The following DYNC2H1 variants were observed in gnomAD, a reference collection of about 807,000 sequenced individuals.
The protein encoded by DYNC2H1 is cytoplasmic dynein 2 heavy chain 1.
A neutral mutation model predicts 570.0 loss-of-function variants in DYNC2H1; 410 were observed. The ratio of observed to expected loss-of-function variants is 0.72; its 90% CI spans 0.66 to 0.78. The LOEUF is 0.78. Among genes scored for constraint, DYNC2H1 ranks in the 30% least tolerant of loss-of-function variants. The probability of loss-of-function intolerance (pLI) is 0.00; values close to 1 mark genes in which losing one functional copy is unlikely to be tolerated. For missense variants in DYNC2H1, 4,865 were observed against 5,046.4 expected (o/e 0.96, Z 1.09); for synonymous variants, 1,688 against 1,677.6 (o/e 1.01, Z -0.15).
intron 45 of DYNC2H1, among the ~76,000 whole-genome samples, chr11:103,190,858 T>C (rs1380570665): frequency 6.6e-6 from 1 of 151,756 alleles, no homozygotes; most frequent in Admixed American, 6.6e-5. Flanking sequence ...CATTAAAAAA[T>C]GGGTCTTACC....
chr11:103,187,661 T>C (rs1469815302), intron 43 of DYNC2H1, 75 bp downstream of exon 43: 5 of 1,528,144 alleles, frequency 3.3e-6, no homozygotes, highest in Non-Finnish European at 4.4e-6. Flanking sequence ...TAGAAAATAT[T>C]CATTCTTCAT....
intron 73 of DYNC2H1, among the ~76,000 whole-genome samples, chr11:103,285,555 T>C (rs1434346837): frequency 6.6e-6 from 1 of 151,542 alleles, no homozygotes; most frequent in Admixed American, 6.6e-5. Flanking sequence ...CCCGAGTAGC[T>C]GTGATCACAG....
chr11:103,366,171 T>C (rs1460937025), intron 83 of DYNC2H1, among the ~76,000 whole-genome samples: 2 of 152,212 alleles, frequency 1.3e-5, no homozygotes, highest in Non-Finnish European at 2.9e-5. Flanking sequence ...ATTTCCTTAA[T>C]GTCTTGTTGG....
chr11:103,390,700 C>CA (rs1221036890), intron 83 of DYNC2H1, among the ~76,000 whole-genome samples: 1 of 152,178 alleles, frequency 6.6e-6, no homozygotes, highest in African/African-American at 2.4e-5. Flanking sequence ...CCGGTGGTGA[C>CA]AAAATCTCTC....
rs35814518 is a variant in DYNC2H1, at chr11:103,252,100, ATTT to A, written c.10043-1172_10043-1170del. ...CCATCATGCCCAGCTAATTAAAAACATTTTTTTTTTTTTTTGCAAAGACGAGGT... is the reference window on the plus strand; with the variant it reads ...CCATCATGCCCAGCTAATTAAAAACATTTTTTTTTTTTGCAAAGACGAGGT... On this transcript the variant is annotated intron_variant, in intron 65 of 88. Coordinates refer to ENST00000375735, the MANE Select transcript of DYNC2H1 (RefSeq NM_001377.3). The surrounding 1 kb of genome is among the most constrained non-coding windows in gnomAD (Gnocchi z 4.6). Among the ~76,000 whole-genome samples the A allele has an allele frequency of 1.4e-4, 20 of 142,460 alleles. No individual in the cohort carries two copies. Among genetic ancestry groups the A allele is most frequent in the African/African-American group, 3.6e-4 (14 of 38,938 alleles). The allele number at this position is 142,460 out of a possible 152,430, so 93.5% of individuals were successfully genotyped here.
At chr11:103,169,728 A>G (rs1455273201) in intron 32 of DYNC2H1, among the ~76,000 whole-genome samples, 2 of 152,126 alleles carry the variant, frequency 1.3e-5, no homozygotes, top group Non-Finnish European at 2.9e-5. Flanking sequence ...AATAGTTCTG[A>G]TTTGTGGATA....
Position 103,217,848 on chromosome 11 carries a change from A to T in DYNC2H1, c.8832+1990A>T, listed in dbSNP as rs571015323. On this transcript the variant is annotated intron_variant, in intron 55 of 88. Transcript: ENST00000375735. ...ATAAAGAACTTCTATTCAGAATTTT[A>T]AAAATACTGCAACTCAATAATAGCA... Among the ~76,000 whole-genome samples the T allele has an allele frequency of 4.6e-5, 7 of 152,334 alleles. No homozygotes were observed. In the East Asian group the frequency reaches 1.3e-3, roughly 29 times the overall value.
chr11:103,420,871 A>G (rs1943462740), intron 84 of DYNC2H1, among the ~76,000 whole-genome samples: 1 of 152,240 alleles, frequency 6.6e-6, no homozygotes, highest in African/African-American at 2.4e-5. Flanking sequence ...AAAGTCACAC[A>G]TAACAGTACT....
At chr11:103,459,958 C>CCA (rs1555140355) in intron 87 of DYNC2H1, among the ~76,000 whole-genome samples, 1,346 of 70,214 alleles carry the variant, frequency 0.019, 59 homozygotes, top group African/African-American at 0.065. Flanking sequence ...GACTCCGTCT[C>CCA]AAAAAAAAAA....
chr11:103,291,143 A>G (rs1168302790), intron 75 of DYNC2H1, among the ~76,000 whole-genome samples: 3 of 152,194 alleles, frequency 2.0e-5, no homozygotes, highest in African/African-American at 7.2e-5. Context: ...TGACCTATTA[A>G]TTTGTAAAGT....
rs1365377313 is a variant in DYNC2H1, at chr11:103,151,393, T to A, written c.2947-743T>A. On this transcript the variant is annotated intron_variant, in intron 20 of 88. Coordinates refer to ENST00000375735, the MANE Select transcript of DYNC2H1 (RefSeq NM_001377.3). The surrounding 1 kb of genome is among the most constrained non-coding windows in gnomAD (Gnocchi z 4.6). ...AGCTGCCAGGCCTGCCCAATTCAGT[T>A]ATATTTGAATTTCCTTTGTTGTCTG... 6.6e-6 allele frequency among the ~76,000 whole-genome samples: 1 copy of A among 152,186 alleles called. No individual in the cohort carries two copies. The highest frequency in any genetic ancestry group is 1.9e-4 in the East Asian group (1 of 5,198).
At chr11:103,150,531 GA>G (rs1464216096) in intron 20 of DYNC2H1, among the ~76,000 whole-genome samples, 8 of 152,140 alleles carry the variant, frequency 5.3e-5, no homozygotes, top group African/African-American at 1.7e-4. Context: ...ATGACTAGAG[GA>G]GCAACTGGAG....
At chr11:103,216,015 G>A (rs1363262969) in intron 55 of DYNC2H1, 157 bp downstream of exon 55, 5 of 887,836 alleles carry the variant, frequency 5.6e-6, no homozygotes. Flanking sequence ...TTTGTGGAAG[G>A]GCATGGTATT....
chr11:103,262,234 C>T (rs182232310), intron 70 of DYNC2H1, among the ~76,000 whole-genome samples: 197 of 152,230 alleles, frequency 1.3e-3, no homozygotes, highest in Non-Finnish European at 2.5e-3. Flanking sequence ...ATTGGTGTAC[C>T]TGAAAGTGAC....
chr11:103,459,405 A>G (rs1226087736), intron 87 of DYNC2H1, among the ~76,000 whole-genome samples: 1 of 151,348 alleles, frequency 6.6e-6, no homozygotes, highest in African/African-American at 2.4e-5. Context: ...TTTCTAACAT[A>G]CTGTCATTTA....
intron 75 of DYNC2H1, among the ~76,000 whole-genome samples, chr11:103,294,917 A>G (rs755190610): frequency 2.4e-4 from 36 of 152,294 alleles, no homozygotes; most frequent in Non-Finnish European, 5.0e-4. Flanking sequence ...TCTTGTGTCC[A>G]ATTTGCAAGA....
At position 103,244,539 on chromosome 11, in the gene DYNC2H1, A is replaced by T. The variant is rs1003165745; in HGVS notation, c.9919-712A>T. On this transcript the variant is annotated intron_variant, in intron 64 of 88. Transcript: ENST00000375735. This position sits in a 1 kb window ranked among gnomAD's most constrained non-coding sequence, Gnocchi z 4.3. The stretch of plus-strand genomic sequence containing the variant: ...TTTAATAATCATTTATGGCTTGCAT[A>T]TATGCAAATCATTTATGGTTTGCAA... 8.0e-5 allele frequency among the ~76,000 whole-genome samples: 12 copies of T among 149,402 alleles called. No homozygotes were observed. The highest frequency in any genetic ancestry group is 2.9e-4 in the African/African-American group (12 of 41,144).
intron 75 of DYNC2H1, among the ~76,000 whole-genome samples, chr11:103,294,664 T>A (rs1866748536): frequency 2.6e-5 from 4 of 152,214 alleles, no homozygotes; most frequent in African/African-American, 9.6e-5. Context: ...CCATGCTGAG[T>A]CATACCTGAA....
chr11:103,359,982 T>G (rs1295869721), intron 83 of DYNC2H1, among the ~76,000 whole-genome samples: 1 of 152,056 alleles, frequency 6.6e-6, no homozygotes, highest in Non-Finnish European at 1.5e-5. Flanking sequence ...TCATTTGGAA[T>G]GTAGATATAG....
Sources: gnomAD v4.1 joint callset for allele counts (sites outside exome capture counted in the v4.1 genomes callset) on GRCh38, gnomAD v4.1.1 for gene constraint, Gnocchi (gnomAD v3.1) non-coding constraint, MANE v1.5 for transcripts, NCBI Gene and HGNC (gene_info 2026-07-23, HGNC 2026-07-21) for gene names.